Variants in KLF7 observed in about 807,000 individuals in gnomAD.
KLF7 encodes the protein KLF transcription factor 7.
KLF7 carries 2 observed loss-of-function variants against 27.3 expected under a neutral mutation model. The observed-to-expected ratio is 0.07, with a 90% CI of 0.03 to 0.23. KLF7 has a LOEUF of 0.23. Ranked by LOEUF, KLF7 falls within the 10% of genes least tolerant of loss-of-function variation. The probability of loss-of-function intolerance (pLI) is 1.00; values close to 1 mark genes in which losing one functional copy is unlikely to be tolerated. For synonymous variants in KLF7, 165 were observed against 162.4 expected (o/e 1.02, Z -0.12); for missense variants, 221 against 394.1 (o/e 0.56, Z 3.72).
At chr2:207,151,400 G>T (rs192287965) in intron 1 of KLF7, among the ~76,000 whole-genome samples, 4 of 152,100 alleles carry the variant, frequency 2.6e-5, no homozygotes, top group East Asian at 1.9e-4. Flanking sequence ...AGGAGGGCAG[G>T]GGGGAGGGAT....
At chr2:207,113,807 A>G (rs1262435990) in intron 2 of KLF7, among the ~76,000 whole-genome samples, 1 of 152,106 alleles carries the variant, frequency 6.6e-6, no homozygotes, top group African/African-American at 2.4e-5. Flanking sequence ...ATTTTCCTCA[A>G]TCATGCACAG....
chr2:207,104,380 G>A (rs779460907), intron 2 of KLF7, among the ~76,000 whole-genome samples: 3 of 152,118 alleles, frequency 2.0e-5, no homozygotes, highest in Non-Finnish European at 4.4e-5. Context: ...AAACAAACTA[G>A]ACAATACATG....
chr2:207,085,739 A>AACAGAAAGCGGG (rs2076373521), intron 3 of KLF7, among the ~76,000 whole-genome samples: 1 of 152,218 alleles, frequency 6.6e-6, no homozygotes, highest in Non-Finnish European at 1.5e-5. Context: ...AAGAAGAAAC[A>AACAGAAAGCGGG]ACAGAAAGCG....
rs115314264 is a variant in KLF7, at chr2:207,101,300, A to G, written c.734-12719T>C. 1.5e-3 allele frequency among the ~76,000 whole-genome samples: 236 copies of G among 152,348 alleles called. 1 individual carries two copies. Among genetic ancestry groups the G allele is most frequent in the African/African-American group, 5.2e-3 (218 of 41,580 alleles). On this transcript the variant is annotated intron_variant, in intron 2 of 3. Transcript: ENST00000309446. ...CTCTTCACGTTAGAGCTCAGCTCCCAGTTAGGAAAGCACCATGCATACATA... is the reference window on the plus strand; with the variant it reads ...CTCTTCACGTTAGAGCTCAGCTCCCGGTTAGGAAAGCACCATGCATACATA...
chr2:207,162,756 CTTGAGT>C, intron 1 of KLF7, among the ~76,000 whole-genome samples: 1 of 152,280 alleles, frequency 6.6e-6, no homozygotes, highest in Admixed American at 6.5e-5. Context: ...TAAAAATGTT[CTTGAGT>C]TTATCATCGA....
At chr2:207,088,725 C>T in intron 2 of KLF7, 144 bp from the exon 3 acceptor site, 1 of 847,476 alleles carries the variant, frequency 1.2e-6, no homozygotes, top group South Asian at 3.2e-5. Flanking sequence ...CATAGTATAC[C>T]ACTGTCTTTT....
intron 1 of KLF7, among the ~76,000 whole-genome samples, chr2:207,126,371 G>A (rs1024623164): frequency 3.9e-5 from 6 of 152,010 alleles, no homozygotes; most frequent in African/African-American, 1.4e-4. Flanking sequence ...CACCTAACAG[G>A]TACATAATGT....
At chr2:207,107,546 A>G (rs1359465326) in intron 2 of KLF7, among the ~76,000 whole-genome samples, 3 of 152,222 alleles carry the variant, frequency 2.0e-5, no homozygotes, top group African/African-American at 7.2e-5. Flanking sequence ...CCAGTGTAAT[A>G]ATAAACACAT....
At chr2:207,114,724 TC>T (rs2077132605) in intron 2 of KLF7, among the ~76,000 whole-genome samples, 1 of 152,300 alleles carries the variant, frequency 6.6e-6, no homozygotes, top group Admixed American at 6.5e-5. Flanking sequence ...TAGCAAGGTC[TC>T]CAGAGAAAGA....
chr2:207,135,746 T>G (rs2077766532), intron 1 of KLF7, among the ~76,000 whole-genome samples: 1 of 152,184 alleles, frequency 6.6e-6, no homozygotes, highest in African/African-American at 2.4e-5. Context: ...TACCAACATT[T>G]CTGGTAGAAC....
At chr2:207,099,992 TGGTGGTGCAC>T (rs1559120187) in intron 2 of KLF7, among the ~76,000 whole-genome samples, 1 of 152,078 alleles carries the variant, frequency 6.6e-6, no homozygotes, top group Admixed American at 6.5e-5. Flanking sequence ...TAGCTGGGCA[TGGTGGTGCAC>T]GCCTGTAGTC....
At chr2:207,105,724 C>T (rs992424005) in intron 2 of KLF7, among the ~76,000 whole-genome samples, 2 of 152,202 alleles carry the variant, frequency 1.3e-5, no homozygotes, top group Non-Finnish European at 2.9e-5. Context: ...TCTCCCACAC[C>T]TCACCAAGAA....
intron 2 of KLF7, among the ~76,000 whole-genome samples, chr2:207,088,837 T>C (rs891501445): frequency 3.9e-5 from 6 of 152,234 alleles, no homozygotes; most frequent in African/African-American, 1.4e-4. Flanking sequence ...GCTGTCATTT[T>C]AGTTCCCAGA....
chr2:207,107,266 G>C (rs1424575359), intron 2 of KLF7, among the ~76,000 whole-genome samples: 1 of 152,180 alleles, frequency 6.6e-6, no homozygotes, highest in Non-Finnish European at 1.5e-5. Context: ...TCGGAGGCCT[G>C]CTCCTTCCAG....
At chr2:207,083,636 T>C (rs1328136152) in intron 3 of KLF7, among the ~76,000 whole-genome samples, 1 of 152,134 alleles carries the variant, frequency 6.6e-6, no homozygotes, top group Non-Finnish European at 1.5e-5. Context: ...CCCTCCAAAA[T>C]GTCTACACTT....
intron 2 of KLF7, among the ~76,000 whole-genome samples, chr2:207,106,527 C>T (rs947346761): frequency 6.6e-6 from 1 of 152,152 alleles, no homozygotes; most frequent in African/African-American, 2.4e-5. Flanking sequence ...GTGGATGGGC[C>T]ATTCAGCATT....
chr2:207,167,008 G>A, upstream of KLF7: 1 of 862,910 alleles, frequency 1.2e-6, no homozygotes, highest in Non-Finnish European at 1.5e-6. Flanking sequence ...TCGGGAGTCC[G>A]GCGGCTAGAG....
chr2:207,110,668 A>G (rs894046701), intron 2 of KLF7, among the ~76,000 whole-genome samples: 2 of 152,252 alleles, frequency 1.3e-5, no homozygotes, highest in Non-Finnish European at 2.9e-5. Flanking sequence ...TCAATCTAGA[A>G]GGTTAAGCAT....
intron 2 of KLF7, among the ~76,000 whole-genome samples, chr2:207,097,066 A>AGCTGAT (rs1170140735): frequency 2.0e-5 from 3 of 152,344 alleles, no homozygotes; most frequent in East Asian, 1.9e-4. Flanking sequence ...ACAAATTCCC[A>AGCTGAT]GCTGATGCTG....
Sources: allele counts gnomAD v4.1 joint callset (sites outside exome capture counted in the v4.1 genomes callset), GRCh38; gene constraint gnomAD v4.1.1; transcripts MANE v1.5; gene names NCBI Gene and HGNC (gene_info 2026-07-23, HGNC 2026-07-21).